COBL: variants seen among roughly 807,000 people sequenced by gnomAD.
COBL encodes cordon-bleu WH2 repeat protein.
A neutral mutation model predicts 98.8 loss-of-function variants in COBL; 51 were observed. The observed-to-expected ratio is 0.52, with a 90% confidence interval of 0.41 to 0.65. The LOEUF (loss-of-function observed/expected upper bound fraction) is 0.65, where lower values mean the gene tolerates loss of function less well. Ranked by LOEUF, COBL falls within the 30% of genes least tolerant of loss-of-function variation. COBL has a pLI of 0.00. For synonymous variants in COBL, 634 were observed against 651.7 expected, an observed-to-expected ratio of 0.97 and a Z score of 0.41; for missense variants, 1,617 against 1,617.5, an observed-to-expected ratio of 1.00 and a Z score of 0.01.
intron 6 of COBL, among the ~76,000 whole-genome samples, chr7:51,126,180 T>C (rs988048997): frequency 6.6e-6 from 1 of 152,112 alleles, no homozygotes. Flanking sequence ...ATATAAAAAT[T>C]AGCCAGCCGT....
intron 5 of COBL, among the ~76,000 whole-genome samples, chr7:51,144,346 G>A (rs1050462829): frequency 2.0e-5 from 3 of 152,076 alleles, no homozygotes; most frequent in Non-Finnish European, 4.4e-5. Context: ...GTTGCCCAAG[G>A]TCACACACTA....
At chr7:51,132,796 A>G (rs1430506735) in intron 6 of COBL, among the ~76,000 whole-genome samples, 1 of 152,162 alleles carries the variant, frequency 6.6e-6, no homozygotes, top group East Asian at 1.9e-4. Flanking sequence ...CGGATTAGGC[A>G]TGTCACATGG....
intron 1 of COBL, among the ~76,000 whole-genome samples, chr7:51,237,141 A>G (rs1430385689): frequency 2.0e-5 from 3 of 152,238 alleles, no homozygotes; most frequent in African/African-American, 7.2e-5. Flanking sequence ...CTCAATGTGC[A>G]TGAGTTCAAT....
intron 7 of COBL, among the ~76,000 whole-genome samples, chr7:51,048,397 TAA>T (rs924750620): frequency 3.9e-5 from 6 of 152,208 alleles, no homozygotes; most frequent in African/African-American, 1.4e-4. Flanking sequence ...CATTTACAAC[TAA>T]ATTAATTGTA....
intron 7 of COBL, among the ~76,000 whole-genome samples, chr7:51,048,218 T>C (rs1249830305): frequency 2.6e-5 from 4 of 152,182 alleles, no homozygotes; most frequent in Admixed American, 6.5e-5. Context: ...TCCCTCCAAA[T>C]AATTTTGAAC....
In COBL at chr7:51,136,320, C is replaced by T. The variant is rs761832184; in HGVS notation, c.795G>A (p.Thr265=). 6.2e-6 allele frequency: 10 copies of T among 1,612,162 alleles called. No individual in the cohort carries two copies. The highest frequency in any genetic ancestry group is 5.0e-5 in the Admixed American group (3 of 59,546). ...NKRSNSKGCL[T]TPNSPSMHSR... is the part of the protein sequence containing the mutation. Reference sequence around the variant, plus strand: ...AGTGCATGGATGGGGAGTTGGGGGTCGTTAAACAGCCCTGTTGGGGAAGAG... The same window carrying T: ...AGTGCATGGATGGGGAGTTGGGGGTTGTTAAACAGCCCTGTTGGGGAAGAG... The change falls in exon 6 of 13, where the codon ACG becomes ACA. Residue 265 remains threonine (T), a synonymous_variant. Coordinates refer to ENST00000265136, the MANE Select transcript of COBL (RefSeq NM_015198.5).
chr7:51,209,982 C>T (rs918809918), intron 2 of COBL, among the ~76,000 whole-genome samples: 1 of 152,178 alleles, frequency 6.6e-6, no homozygotes, highest in African/African-American at 2.4e-5. Flanking sequence ...AGCTTTTCCC[C>T]AGCACAGAGA....
At chr7:51,221,380 C>T (rs935744744) in intron 1 of COBL, among the ~76,000 whole-genome samples, 16 of 152,108 alleles carry the variant, frequency 1.1e-4, no homozygotes, top group South Asian at 2.1e-4. Flanking sequence ...ATGGTCATCA[C>T]GACATAAATT....
rs964513185 is a variant in COBL, at chr7:51,162,796, T to C, written c.783+21306A>G. Among the ~76,000 whole-genome samples, 4 of 152,248 alleles carry C rather than the reference T, an allele frequency of 2.6e-5. No homozygotes were observed. In the East Asian group the frequency reaches 5.8e-4, roughly 22 times the overall value. On this transcript the variant is annotated intron_variant, in intron 5 of 12. Transcript: ENST00000265136. ...AAGCTCGGCTTTAACACCCCAATGA[T>C]GTAGGCTTGCCCTCGGCCTCCGCCA...
chr7:51,137,943 G>A (rs1019238989), intron 5 of COBL, among the ~76,000 whole-genome samples: 2 of 152,074 alleles, frequency 1.3e-5, no homozygotes, highest in African/African-American at 4.8e-5. Context: ...TTAAACAATA[G>A]CCCAGTATTA....
intron 5 of COBL, among the ~76,000 whole-genome samples, chr7:51,178,776 T>G (rs1443158241): frequency 2.0e-5 from 3 of 152,078 alleles, no homozygotes; most frequent in Non-Finnish European, 4.4e-5. Context: ...GCCCGGCTAA[T>G]TTTTGTATTT....
intron 1 of COBL, among the ~76,000 whole-genome samples, chr7:51,315,182 G>C (rs899228634): frequency 1.3e-5 from 2 of 151,334 alleles, no homozygotes; most frequent in African/African-American, 4.8e-5. Flanking sequence ...CCATGAAAAA[G>C]GATTTCCCAC....
At chr7:51,065,440 G>T (rs1306036418) in intron 7 of COBL, 8 of 700,720 alleles carry the variant, frequency 1.1e-5, no homozygotes, top group Non-Finnish European at 1.6e-5. Context: ...AGCTTCAGCT[G>T]CTCCATAAAC....
intron 6 of COBL, among the ~76,000 whole-genome samples, chr7:51,099,212 T>C (rs1340081963): frequency 6.6e-6 from 1 of 152,078 alleles, no homozygotes; most frequent in Non-Finnish European, 1.5e-5. Context: ...ATAAAGTACC[T>C]CAAAAAATTA....
intron 7 of COBL, among the ~76,000 whole-genome samples, chr7:51,063,247 G>A (rs1356003804): frequency 6.6e-6 from 1 of 151,402 alleles, no homozygotes; most frequent in African/African-American, 2.4e-5. Flanking sequence ...CAATTCTCCT[G>A]CCTCAGCCTC....
chr7:51,126,415 ATCT>A (rs1798211267), intron 6 of COBL, among the ~76,000 whole-genome samples: 1 of 152,124 alleles, frequency 6.6e-6, no homozygotes, highest in East Asian at 1.9e-4. Flanking sequence ...CCTCATCCTG[ATCT>A]TCATGCTTCT....
At chr7:51,276,853 A>C (rs2129171433) in intron 1 of COBL, among the ~76,000 whole-genome samples, 1 of 152,338 alleles carries the variant, frequency 6.6e-6, no homozygotes, top group African/African-American at 2.4e-5. Context: ...CAGAAAGGGA[A>C]GAGTTCAGAG....
At chr7:51,037,105 G>C (rs943018258) in intron 8 of COBL, among the ~76,000 whole-genome samples, 1 of 151,754 alleles carries the variant, frequency 6.6e-6, no homozygotes, top group East Asian at 1.9e-4. Context: ...GCACATATAC[G>C]CATGCACACA....
chr7:51,167,182 A>G (rs1787404342), intron 5 of COBL, among the ~76,000 whole-genome samples: 1 of 152,216 alleles, frequency 6.6e-6, no homozygotes, highest in Non-Finnish European at 1.5e-5. Flanking sequence ...TGCAGATGAT[A>G]GGATCTTACA....
Sources: allele counts gnomAD v4.1 joint callset (sites outside exome capture counted in the v4.1 genomes callset), GRCh38; gene constraint gnomAD v4.1.1; transcripts MANE v1.5; gene names NCBI Gene and HGNC (gene_info 2026-07-23, HGNC 2026-07-21).